ANK1: variants seen among roughly 807,000 people sequenced by gnomAD.
ANK1 encodes the protein ankyrin 1.
A neutral mutation model predicts 210.4 loss-of-function variants in ANK1; 51 were observed. That is an observed-to-expected ratio of 0.24 (90% CI 0.19 to 0.31). The LOEUF is 0.31. Ranked by LOEUF, ANK1 falls within the 10% of genes least tolerant of loss-of-function variation. The pLI, the probability that ANK1 is intolerant of heterozygous loss-of-function variation, is 1.00. For missense variants in ANK1, 2,051 were observed against 2,504.4 expected (o/e 0.82, Z 3.86); for synonymous variants, 967 against 1,025.9 (o/e 0.94, Z 1.10).
intron 10 of ANK1, 101 bp downstream of exon 10, chr8:41,719,559 CG>C: frequency 6.7e-7 from 1 of 1,492,404 alleles, no homozygotes; most frequent in Non-Finnish European, 9.3e-7. Context: ...TGGGGAGCTC[CG>C]GGCACCTGCC....
chr8:41,737,927 G>A (rs961894245), intron 2 of ANK1, among the ~76,000 whole-genome samples: 11 of 152,180 alleles, frequency 7.2e-5, no homozygotes, highest in Admixed American at 1.3e-4. Context: ...GGAGAACCTC[G>A]TCTGTGTCTG....
upstream of ANK1, among the ~76,000 whole-genome samples, chr8:41,799,333 A>G (rs540186926): frequency 2.0e-5 from 3 of 152,292 alleles, no homozygotes; most frequent in South Asian, 2.1e-4. Context: ...GCAGCGTGGC[A>G]TGCACCCCAC....
intron 12 of ANK1, 145 bp downstream of exon 12, chr8:41,717,459 A>G: frequency 1.2e-6 from 1 of 808,880 alleles, no homozygotes; most frequent in Non-Finnish European, 2.1e-6. Context: ...GTCAGTACAC[A>G]GGGATGTCCT....
At chr8:41,760,169 A>G (rs1840080892) in intron 1 of ANK1, among the ~76,000 whole-genome samples, 2 of 152,170 alleles carry the variant, frequency 1.3e-5, no homozygotes, top group African/African-American at 4.8e-5. Flanking sequence ...AATAAAATAA[A>G]GTTTACTAAT....
chr8:41,717,622 C>T lies in ANK1; in HGVS notation c.1287G>A (p.Ser429=), dbSNP rs374936338. The change falls in exon 12 of 43, where the codon TCG becomes TCA. Residue 429 remains serine (S), a synonymous_variant. Transcript: ENST00000289734. ...GGCTTACCACGTTGGAGACGTTGGG[C>T]GACGCCCCCCGCTGCAGGAGGTTCT... ...IVKNLLQRGA[S]PNVSNVKVET... is the part of the protein sequence containing the mutation. The T allele has an allele frequency of 3.2e-5, 50 of 1,551,494 alleles. No individual in the cohort carries two copies. Among genetic ancestry groups the T allele is most frequent in the South Asian group, 1.4e-4 (12 of 84,060 alleles).
chr8:41,739,522 T>TTTTTTTTTCTTTC (rs1834203274), intron 2 of ANK1, among the ~76,000 whole-genome samples: 1 of 35,434 alleles, frequency 2.8e-5, no homozygotes, highest in Admixed American at 2.7e-4. Flanking sequence ...TTTTTCTTTC[T>TTTTTTTTTCTTTC]TTTTTTTTTT....
At chr8:41,754,125 C>T (rs968089174) in intron 2 of ANK1, among the ~76,000 whole-genome samples, 3 of 152,208 alleles carry the variant, frequency 2.0e-5, no homozygotes, top group Non-Finnish European at 4.4e-5. Flanking sequence ...TGCCAATAGA[C>T]TACAGTTCAG....
rs541697318 is a variant in ANK1 at position 41,673,980 on chromosome 8, A to G, written c.4538-1068T>C. Among the ~76,000 whole-genome samples the G allele has an allele frequency of 2.6e-5, 4 of 152,110 alleles. No individual in the cohort carries two copies. In the South Asian group the frequency reaches 8.3e-4, roughly 32 times the overall value. ...ACCTTCCTGCCATCGAGAGATGTCC[A>G]GACACCCCCAGCCTAGAGTTCAAAC... On this transcript the variant is annotated intron_variant, in intron 37 of 42. Coordinates refer to ENST00000289734, the MANE Select transcript of ANK1 (RefSeq NM_000037.4).
intron 2 of ANK1, among the ~76,000 whole-genome samples, chr8:41,748,270 T>C (rs1366928932): frequency 6.6e-6 from 1 of 152,246 alleles, no homozygotes; most frequent in Non-Finnish European, 1.5e-5. Context: ...AGAAGTTTAA[T>C]ACCACAACAC....
intron 1 of ANK1, among the ~76,000 whole-genome samples, chr8:41,815,869 GTC>G (rs1462184561): frequency 6.6e-6 from 1 of 151,954 alleles, no homozygotes; most frequent in African/African-American, 2.4e-5. Flanking sequence ...AGTATATTTT[GTC>G]TCTATAAAAT....
chr8:41,798,240 C>T (rs7839782), upstream of ANK1, among the ~76,000 whole-genome samples: 17,262 of 151,944 alleles, frequency 0.11, 2,999 homozygotes, highest in African/African-American at 0.37. Context: ...GGCCGGGGAG[C>T]CTCCCGAAGC....
chr8:41,725,989 C>A (rs376079458), intron 5 of ANK1, 43 bp from the exon 6 acceptor site: 2 of 1,598,576 alleles, frequency 1.3e-6, no homozygotes, highest in African/African-American at 2.7e-5. Flanking sequence ...TCGTCTGACG[C>A]CAGCCGCCCT....
At chr8:41,728,164 C>T (rs965293744) in intron 3 of ANK1, among the ~76,000 whole-genome samples, 158 bp from the exon 4 acceptor site, 1 of 152,154 alleles carries the variant, frequency 6.6e-6, no homozygotes, top group South Asian at 2.1e-4. Context: ...ACCCATTGCA[C>T]ATCCTGAAAT....
intron 1 of ANK1, among the ~76,000 whole-genome samples, chr8:41,850,121 T>A (rs1810953074): frequency 6.6e-6 from 1 of 152,190 alleles, no homozygotes; most frequent in Non-Finnish European, 1.5e-5. Flanking sequence ...CGCTTCACCC[T>A]TTATAAGATA....
rs953540786 is a variant in ANK1, at chr8:41,663,663, T to C, written c.5474A>G (p.Lys1825Arg). Residue 1825 changes from lysine (K) to arginine (R), a missense_variant, in exon 40 of 43, where the codon AAG (lysine) becomes AGG (arginine). Transcript: ENST00000289734. ...AGGGGAACACTCTGCACCCACCTTC[T>C]TGGTGACAATGTTGCCCTGCTCATC... ...FTDEQGNIVT[K>R]KIIRKVVRQI... 8 of 1,613,780 alleles carry C rather than the reference T, an allele frequency of 5.0e-6. No individual in the cohort carries two copies. Among genetic ancestry groups the C allele is most frequent in the Admixed American group, 1.7e-5 (1 of 60,010 alleles).
intron 17 of ANK1, 99 bp downstream of exon 17, chr8:41,708,679 C>A: frequency 2.3e-6 from 3 of 1,315,760 alleles, no homozygotes; most frequent in South Asian, 2.4e-5. Flanking sequence ...CACACACACA[C>A]CCCTAACTCA....
chr8:41,849,833 G>A (rs928873907), intron 1 of ANK1, among the ~76,000 whole-genome samples: 6 of 152,088 alleles, frequency 3.9e-5, no homozygotes, highest in Non-Finnish European at 7.4e-5. Context: ...CACCAACCAC[G>A]CTGAAGTTTG....
At chr8:41,864,082 C>G (rs1281186040) in intron 1 of ANK1, among the ~76,000 whole-genome samples, 5 of 152,024 alleles carry the variant, frequency 3.3e-5, no homozygotes, top group South Asian at 4.2e-4. Flanking sequence ...AACCCCGTCT[C>G]TACTAAAAAT....
At chr8:41,786,212 G>T (rs1019494382) in intron 1 of ANK1, among the ~76,000 whole-genome samples, 1 of 152,170 alleles carries the variant, frequency 6.6e-6, no homozygotes, top group African/African-American at 2.4e-5. Context: ...AGGAGCTCGC[G>T]TCTTGCCAGG....
Sources: allele counts gnomAD v4.1 joint callset (sites outside exome capture counted in the v4.1 genomes callset), GRCh38; gene constraint gnomAD v4.1.1; transcripts MANE v1.5; gene names NCBI Gene and HGNC (gene_info 2026-07-23, HGNC 2026-07-21).